Variants in ST6GALNAC5 observed in about 807,000 individuals in gnomAD.
ST6GALNAC5 encodes the protein alpha-N-acetylgalactosaminide alpha-2,6-sialyltransferase 5.
In ST6GALNAC5, 27 loss-of-function variants were observed where a neutral mutation model predicts 33.6. The ratio of observed to expected loss-of-function variants is 0.80; its 90% CI spans 0.59 to 1.11. The LOEUF (loss-of-function observed/expected upper bound fraction) is 1.11. Ranked by LOEUF, ST6GALNAC5 falls within the 50% of genes least tolerant of loss-of-function variation. The pLI is 0.00. For synonymous variants in ST6GALNAC5, 194 were observed against 171.2 expected, an observed-to-expected ratio of 1.13 and a Z score of -1.04; for missense variants, 428 against 454.0, an observed-to-expected ratio of 0.94 and a Z score of 0.52.
intron 2 of ST6GALNAC5, among the ~76,000 whole-genome samples, chr1:76,997,744 A>G (rs939303770): frequency 6.6e-6 from 1 of 152,206 alleles, no homozygotes; most frequent in Non-Finnish European, 1.5e-5. Flanking sequence ...CACACCTGTA[A>G]TCTCAATGCT....
Position 77,066,109 on chromosome 1 carries a change from G to T in ST6GALNAC5, c.*2903G>T, listed in dbSNP as rs556648601. On this transcript the variant is annotated 3_prime_UTR_variant, in exon 5 of 5. Transcript: ENST00000477717. ...CAGCATGCTGCATGGAGACTTAGCT[G>T]TGTGATTTCCATTACCGTTAATGGG... is the stretch of plus-strand genomic sequence containing the variant. Among the ~76,000 whole-genome samples, 1 of 152,314 alleles carries T rather than the reference G, an allele frequency of 6.6e-6. No homozygotes were observed. Among genetic ancestry groups the T allele is most frequent in the East Asian group, 1.9e-4 (1 of 5,184 alleles).
rs1188166354 is a variant in ST6GALNAC5 at position 76,991,192 on chromosome 1, C to T, written c.262-53012C>T. On this transcript the variant is annotated intron_variant, in intron 2 of 4. Coordinates refer to ENST00000477717, the MANE Select transcript of ST6GALNAC5 (RefSeq NM_030965.3). ...GAAAATAAACAACCCTACAGGGATC[C>T]ACCAATTGCTTTTATTCAGAATAAA... Among the ~76,000 whole-genome samples the T allele has an allele frequency of 2.0e-5, 3 of 152,112 alleles. No individual in the cohort carries two copies. In the East Asian group the frequency reaches 5.8e-4, roughly 29 times the overall value.
At chr1:76,906,951 AG>A (rs1017373392) in intron 2 of ST6GALNAC5, among the ~76,000 whole-genome samples, 7 of 152,124 alleles carry the variant, frequency 4.6e-5, no homozygotes, top group Non-Finnish European at 7.3e-5. Flanking sequence ...TTCCAAAATC[AG>A]GCATCTAGGT....
At chr1:77,009,575 G>A (rs1412081982) in intron 2 of ST6GALNAC5, among the ~76,000 whole-genome samples, 3 of 152,054 alleles carry the variant, frequency 2.0e-5, no homozygotes, top group Admixed American at 6.5e-5. Context: ...TTACATGAGC[G>A]ACATCAACTA....
intron 2 of ST6GALNAC5, among the ~76,000 whole-genome samples, chr1:76,914,978 C>G (rs1646954550): frequency 6.6e-6 from 1 of 150,756 alleles, no homozygotes; most frequent in African/African-American, 2.4e-5. Flanking sequence ...CTACAATGAA[C>G]TCAAACAAAT....
chr1:76,896,157 T>C (rs867592268), intron 2 of ST6GALNAC5, among the ~76,000 whole-genome samples: 1 of 152,182 alleles, frequency 6.6e-6, no homozygotes, highest in Non-Finnish European at 1.5e-5. Context: ...AACTGAGGAA[T>C]TGTGTCTGAC....
intron 2 of ST6GALNAC5, among the ~76,000 whole-genome samples, chr1:76,873,522 TGGA>T (rs1276837386): frequency 6.6e-6 from 1 of 151,960 alleles, no homozygotes; most frequent in African/African-American, 2.4e-5. Context: ...GGAGTGAAGG[TGGA>T]GGAGAGAAGG....
chr1:76,977,467 C>T (rs1649057441), intron 2 of ST6GALNAC5, among the ~76,000 whole-genome samples: 1 of 152,158 alleles, frequency 6.6e-6, no homozygotes, highest in South Asian at 2.1e-4. Context: ...CCCCGTCGTG[C>T]TATCCCCTAC....
Position 77,044,455 on chromosome 1 carries a change from G to A in ST6GALNAC5, c.513G>A (p.Trp171Ter). Residue 171 changes from tryptophan (W) to a stop codon, truncating the protein, a stop_gained, in exon 3 of 5, where the codon TGG becomes TGA. Transcript: ENST00000477717. LOFTEE classifies it high-confidence loss of function. The stretch of plus-strand genomic sequence containing the variant: ...GCCAGGGCACCGTGTTCATCTTCTG[G>A]GGCCCCAGCAGCTACATGCGGCGGG... Reference protein sequence around the residue: ...NVSQGTVFIFWGPSSYMRRDG... With the variant: ...NVSQGTVFIF 1 of 1,613,372 alleles carries A rather than the reference G, an allele frequency of 6.2e-7. No homozygotes were observed. The highest frequency in any genetic ancestry group is 8.5e-7 in the Non-Finnish European group (1 of 1,179,690).
intron 2 of ST6GALNAC5, among the ~76,000 whole-genome samples, chr1:76,870,460 T>C (rs1268963652): frequency 1.3e-5 from 2 of 152,256 alleles, no homozygotes; most frequent in Non-Finnish European, 2.9e-5. Context: ...CTTTTCTTCC[T>C]GTGTTCTTCT....
chr1:76,963,386 G>A (rs1409468876), intron 2 of ST6GALNAC5, among the ~76,000 whole-genome samples: 1 of 152,206 alleles, frequency 6.6e-6, no homozygotes, highest in Non-Finnish European at 1.5e-5. Context: ...AGTTCTGCCT[G>A]CAAAGGCACC....
chr1:76,973,619 A>C (rs1198869335), intron 2 of ST6GALNAC5, among the ~76,000 whole-genome samples: 1 of 152,144 alleles, frequency 6.6e-6, no homozygotes, highest in African/African-American at 2.4e-5. Flanking sequence ...AAAATTAACT[A>C]TCACACACCC....
chr1:76,930,421 A>G (rs1290475341), intron 2 of ST6GALNAC5, among the ~76,000 whole-genome samples: 2 of 152,114 alleles, frequency 1.3e-5, no homozygotes, highest in East Asian at 3.9e-4. Flanking sequence ...TTCGTGAATA[A>G]CCTGTATTTT....
At chr1:76,909,730 A>G (rs1646893820) in intron 2 of ST6GALNAC5, among the ~76,000 whole-genome samples, 1 of 152,116 alleles carries the variant, frequency 6.6e-6, no homozygotes, top group African/African-American at 2.4e-5. Context: ...GATGAGTTGC[A>G]TAATTTGTCT....
intron 2 of ST6GALNAC5, among the ~76,000 whole-genome samples, chr1:77,004,862 G>T (rs1650330797): frequency 7.4e-6 from 1 of 135,288 alleles, no homozygotes; most frequent in South Asian, 2.5e-4. Flanking sequence ...CAGATCTCCA[G>T]CTGCGTGCTG....
intron 2 of ST6GALNAC5, among the ~76,000 whole-genome samples, chr1:76,896,243 A>C (rs181768115): frequency 2.1e-4 from 32 of 152,284 alleles, no homozygotes; most frequent in African/African-American, 7.7e-4. Context: ...GAAATTGTCT[A>C]CCTAGACTAA....
At position 76,954,233 on chromosome 1, in the gene ST6GALNAC5, A is replaced by G. The variant is rs570300277; in HGVS notation, c.261+85491A>G. Among the ~76,000 whole-genome samples the G allele has an allele frequency of 4.2e-4, 64 of 152,296 alleles. 1 individual carries two copies. Among genetic ancestry groups the G allele is most frequent in the African/African-American group, 1.3e-3 (56 of 41,576 alleles). ...GCGAGATTATGTCCTTTGCAGGGAC[A>G]TGGATGGAGCTGGAAGCCATAATCC... is the stretch of plus-strand genomic sequence containing the variant. On this transcript the variant is annotated intron_variant, in intron 2 of 4. Transcript: ENST00000477717.
At chr1:76,986,229 C>T (rs1489345257) in intron 2 of ST6GALNAC5, among the ~76,000 whole-genome samples, 1 of 150,872 alleles carries the variant, frequency 6.6e-6, no homozygotes, top group Non-Finnish European at 1.5e-5. Flanking sequence ...GAGCAGACAA[C>T]CTAAAGAGTG....
intron 2 of ST6GALNAC5, among the ~76,000 whole-genome samples, chr1:77,039,975 A>G (rs1651779458): frequency 1.3e-5 from 2 of 152,230 alleles, no homozygotes; most frequent in Admixed American, 1.3e-4. Context: ...GAACATGTAA[A>G]TATTGCATCA....
Sources: gnomAD v4.1 joint callset for allele counts (sites outside exome capture counted in the v4.1 genomes callset) on GRCh38, gnomAD v4.1.1 for gene constraint, MANE v1.5 for transcripts, NCBI Gene and HGNC (gene_info 2026-07-23, HGNC 2026-07-21) for gene names.